The following DOCK4 variants were observed in gnomAD, a reference collection of about 807,000 sequenced individuals.
DOCK4 encodes dedicator of cytokinesis protein 4.
A neutral mutation model predicts 268.1 loss-of-function variants in DOCK4; 97 were observed. The observed-to-expected ratio is 0.36, with a 90% CI of 0.31 to 0.43. The LOEUF (loss-of-function observed/expected upper bound fraction) is 0.43, where lower values mean the gene tolerates loss of function less well. Ranked by LOEUF, DOCK4 falls within the 20% of genes least tolerant of loss-of-function variation. DOCK4 has a pLI of 1.00. For missense variants in DOCK4, 2,145 were observed against 2,455.7 expected (o/e 0.87, Z 2.67); for synonymous variants, 954 against 887.2 (o/e 1.08, Z -1.34).
In DOCK4 at chr7:112,201,234, C is replaced by T. The variant is rs116589481; in HGVS notation, c.37+4868G>A. Among the ~76,000 whole-genome samples, 1,063 of 152,226 alleles carry T rather than the reference C, an allele frequency of 7.0e-3. 16 individuals carry two copies. The highest frequency in any genetic ancestry group is 0.024 in the African/African-American group (992 of 41,530). On this transcript the variant is annotated intron_variant, in intron 1 of 52. Coordinates refer to ENST00000428084, the MANE Select transcript of DOCK4 (RefSeq NM_001363540.2). ...GAATACGAGAAGGTGCATCTTCTTC[C>T]ACCAACATAGAAGGGGCTTTAAAAA...
At chr7:112,002,041 T>C (rs1562979083) in intron 2 of DOCK4, among the ~76,000 whole-genome samples, 1 of 152,324 alleles carries the variant, frequency 6.6e-6, no homozygotes, top group Non-Finnish European at 1.5e-5. Flanking sequence ...TTATGCCTAA[T>C]AGAATTTTTT....
intron 1 of DOCK4, among the ~76,000 whole-genome samples, chr7:112,166,215 T>C (rs554514514): frequency 5.1e-4 from 77 of 152,304 alleles, no homozygotes; most frequent in Admixed American, 1.4e-3. Flanking sequence ...CCTAGAACTA[T>C]GCCATTAAAG....
chr7:111,995,823 A>G (rs1799915195), intron 4 of DOCK4, among the ~76,000 whole-genome samples: 2 of 152,212 alleles, frequency 1.3e-5, no homozygotes, highest in South Asian at 4.1e-4. Context: ...TACTTGCCCT[A>G]TGAATATTTT....
intron 1 of DOCK4, among the ~76,000 whole-genome samples, chr7:112,191,244 C>T (rs1018408569): frequency 6.6e-6 from 1 of 152,194 alleles, no homozygotes; most frequent in Non-Finnish European, 1.5e-5. Flanking sequence ...TGAGCCATCA[C>T]GCCAGCCATG....
intron 1 of DOCK4, among the ~76,000 whole-genome samples, chr7:112,188,734 T>C (rs940436840): frequency 5.9e-5 from 9 of 152,232 alleles, no homozygotes; most frequent in Admixed American, 5.2e-4. Flanking sequence ...CATGCAATAC[T>C]CCAGCCTCAT....
intron 1 of DOCK4, among the ~76,000 whole-genome samples, chr7:112,004,904 C>T (rs187791695): frequency 1.7e-3 from 264 of 152,166 alleles, no homozygotes; most frequent in Non-Finnish European, 2.6e-3. Context: ...TGTATCCATA[C>T]GGAGAAAGTA....
Position 111,760,269 on chromosome 7 carries a change from T to A in DOCK4, c.4074A>T (p.Gln1358His). 4 of 1,613,978 alleles carry A rather than the reference T, an allele frequency of 2.5e-6. No homozygotes were observed. Among genetic ancestry groups the A allele is most frequent in the Non-Finnish European group, 2.5e-6 (3 of 1,179,880 alleles). Reference protein sequence around the residue: ...GHDYERLEAFQQRMLNEFPHA... With the variant: ...GHDYERLEAFHQRMLNEFPHA... ...GGGGGAACTCGTTCAGCATTCTCTG[T>A]TGGAAGGCTTCCAGCCTCTCGTAGT... Residue 1358 changes from glutamine (Q) to histidine (H), a missense_variant, in exon 40 of 53, where the codon CAA (glutamine) becomes CAT (histidine). By Grantham distance (24) the Gln-to-His change is conservative. Transcript: ENST00000428084.
chr7:111,864,932 T>A (rs1563611627), intron 22 of DOCK4, among the ~76,000 whole-genome samples: 1 of 152,192 alleles, frequency 6.6e-6, no homozygotes, highest in Non-Finnish European at 1.5e-5. Flanking sequence ...GGCATCTGAA[T>A]GTGCCTACAG....
chr7:111,974,455 G>A (rs370296573), intron 8 of DOCK4, among the ~76,000 whole-genome samples: 1 of 150,140 alleles, frequency 6.7e-6, no homozygotes, highest in Non-Finnish European at 1.5e-5. Flanking sequence ...TGATTTCTCC[G>A]AGGATCATTA....
chr7:111,983,856 G>GCACACACACACACACACA (rs1454832356), intron 7 of DOCK4, among the ~76,000 whole-genome samples: 2 of 92,002 alleles, frequency 2.2e-5, no homozygotes, highest in South Asian at 4.0e-4. Flanking sequence ...GCGCGCGCGC[G>GCACACACACACACACACA]CGCGCGCACA....
intron 23 of DOCK4, among the ~76,000 whole-genome samples, chr7:111,848,451 A>G (rs936347454): frequency 6.6e-6 from 1 of 152,166 alleles, no homozygotes; most frequent in Non-Finnish European, 1.5e-5. Context: ...TTCATTATGC[A>G]GCCATTCCTG....
At chr7:111,827,158 T>C (rs1023238900) in intron 26 of DOCK4, among the ~76,000 whole-genome samples, 3 of 152,212 alleles carry the variant, frequency 2.0e-5, no homozygotes, top group Admixed American at 2.0e-4. Context: ...GATGTGAGGT[T>C]TGAATTCAAT....
At chr7:112,142,275 T>C (rs114956140) in intron 1 of DOCK4, among the ~76,000 whole-genome samples, 2,006 of 152,260 alleles carry the variant, frequency 0.013, 56 homozygotes, top group African/African-American at 0.045. Context: ...ACAGACAACA[T>C]TGCACACCTT....
chr7:111,810,382 G>A (rs1457671647), intron 28 of DOCK4, among the ~76,000 whole-genome samples: 1 of 151,940 alleles, frequency 6.6e-6, no homozygotes, highest in Non-Finnish European at 1.5e-5. Context: ...AACCTGGGGG[G>A]CAGAGGTTGC....
At chr7:112,166,638 G>T (rs1323281085) in intron 1 of DOCK4, among the ~76,000 whole-genome samples, 1 of 152,136 alleles carries the variant, frequency 6.6e-6, no homozygotes, top group African/African-American at 2.4e-5. Flanking sequence ...GGAATTGGAT[G>T]TAACAACCCA....
At chr7:111,815,922 C>T (rs1030508564) in intron 27 of DOCK4, among the ~76,000 whole-genome samples, 3 of 152,102 alleles carry the variant, frequency 2.0e-5, no homozygotes, top group Non-Finnish European at 4.4e-5. Context: ...CTGCCCGCCT[C>T]GGCCCCACTG....
At chr7:111,840,997 T>G (rs1803643172) in intron 25 of DOCK4, 1 of 423,466 alleles carries the variant, frequency 2.4e-6, no homozygotes, top group African/African-American at 2.1e-5. Flanking sequence ...CTGAAGCACG[T>G]CTGCAACAAT....
chr7:112,050,021 C>G (rs557054271), intron 1 of DOCK4, among the ~76,000 whole-genome samples: 112 of 152,200 alleles, frequency 7.4e-4, no homozygotes, highest in African/African-American at 2.6e-3. Context: ...AACTAGGTAG[C>G]TATTTTAAGA....
At chr7:112,095,858 G>A (rs1247401332) in intron 1 of DOCK4, among the ~76,000 whole-genome samples, 6 of 152,150 alleles carry the variant, frequency 3.9e-5, no homozygotes, top group Non-Finnish European at 8.8e-5. Context: ...GAGGCAGGCA[G>A]ATCTCCTGAG....
Sources: gnomAD v4.1 joint callset for allele counts (sites outside exome capture counted in the v4.1 genomes callset) on GRCh38, gnomAD v4.1.1 for gene constraint, MANE v1.5 for transcripts, NCBI Gene and HGNC (gene_info 2026-07-23, HGNC 2026-07-21) for gene names.